AHNAK2: variants seen among roughly 807,000 people sequenced by gnomAD.
AHNAK2 encodes the protein protein AHNAK2.
A neutral mutation model predicts 30.7 loss-of-function variants in AHNAK2; 18 were observed. The ratio of observed to expected loss-of-function variants is 0.59; its 90% CI spans 0.41 to 0.87. The LOEUF (loss-of-function observed/expected upper bound fraction) is 0.87. AHNAK2 is among the 40% of genes least tolerant of loss of function. The probability of loss-of-function intolerance (pLI) is 0.00; values close to 1 mark genes in which losing one functional copy is unlikely to be tolerated. For missense variants in AHNAK2, 8,604 were observed against 7,373.0 expected, an observed-to-expected ratio of 1.17 and a Z score of -6.11; for synonymous variants, 3,590 against 3,073.8, an observed-to-expected ratio of 1.17 and a Z score of -5.56.
intron 1 of AHNAK2, among the ~76,000 whole-genome samples, chr14:104,970,215 G>A (rs1899436907): frequency 6.6e-6 from 1 of 152,172 alleles, no homozygotes; most frequent in African/African-American, 2.4e-5. Flanking sequence ...CGGCACCCCA[G>A]GGACCAGGAC....
rs570242935 is a variant in AHNAK2, at chr14:104,947,050, G to C, written c.8401C>G (p.Leu2801Val). 2.5e-5 allele frequency: 41 copies of C among 1,612,478 alleles called. No individual in the cohort carries two copies. Among genetic ancestry groups the C allele is most frequent in the Non-Finnish European group, 3.1e-5 (37 of 1,179,644 alleles). ...TTGGCTGTCATGCCCTTGTCGGCCA[G>C]GGACAGGTCCCCCTCCAGCCGCGCA... The part of the protein sequence containing the change: ...DGARLEGDLS[L>V]ADKGMTAKDS... The change falls in exon 7 of 7, where the codon CTG (leucine) becomes GTG (valine). Residue 2801 changes from leucine (L) to valine (V), a missense_variant. Physicochemically the swap from Leu to Val is conservative, Grantham distance 32. Transcript: ENST00000333244.
In AHNAK2 at chr14:104,941,705, C is replaced by T; in HGVS notation, c.13746G>A (p.Val4582=). Residue 4582 remains valine, a synonymous_variant, in exon 7 of 7, where the codon GTG becomes GTA. Transcript: ENST00000333244. ...KLDLKGPKAE[V]MAPDVEVSLP... is the part of the protein sequence containing the mutation. ...GAGACACCTCCACATCGGGGGCCAT[C>T]ACCTCTGCCTTTGGGCCTTTCAGGT... 1 of 1,613,784 alleles carries T rather than the reference C, an allele frequency of 6.2e-7. No homozygotes were observed. Among genetic ancestry groups the T allele is most frequent in the Non-Finnish European group, 8.5e-7 (1 of 1,179,888 alleles).
Position 104,944,946 on chromosome 14 carries a change from T to C in AHNAK2, c.10505A>G (p.Lys3502Arg). 5 of 1,613,176 alleles carry C rather than the reference T, an allele frequency of 3.1e-6. No homozygotes were observed. Among genetic ancestry groups the C allele is most frequent in the Non-Finnish European group, 4.2e-6 (5 of 1,179,610 alleles). The stretch of plus-strand genomic sequence containing the variant: ...GGAGAGGCTCACGTCGGCCTCCACC[T>C]TCGGCGCAGACACATCCAGCGAGGC... Reference protein sequence around the residue: ...IEASLDVSAPKVEADVSLSSM... With the variant: ...IEASLDVSAPRVEADVSLSSM... Residue 3502 changes from lysine (K) to arginine (R), a missense_variant, in exon 7 of 7, where the codon AAG becomes AGG. By Grantham distance (26) the Lys-to-Arg change is conservative. Transcript: ENST00000333244.
rs371360862 is a variant in AHNAK2, at chr14:104,939,788, C to T, written c.15663G>A (p.Pro5221=). The T allele has an allele frequency of 1.1e-5, 18 of 1,613,686 alleles. No individual in the cohort carries two copies. The highest frequency in any genetic ancestry group is 4.5e-5 in the East Asian group (2 of 44,888). ...CTGCTGCTTCACCCCCTGTTGCTGC[C>T]GGTGCCTGTGTCTGAGCCACTTCCA... ...GKLEVAQTQA[P]AATGGEAAAK... Residue 5221 remains proline (P), a synonymous_variant, in exon 7 of 7, where the codon CCG becomes CCA. Transcript: ENST00000333244.
chr14:104,950,506 T>C lies in AHNAK2; in HGVS notation c.4945A>G (p.Lys1649Glu), dbSNP rs370039288. 3.2e-6 allele frequency: 5 copies of C among 1,586,892 alleles called. No individual in the cohort carries two copies. The highest frequency in any genetic ancestry group is 4.5e-5 in the East Asian group (2 of 44,180). Residue 1649 changes from lysine (K) to glutamate (E), a missense_variant, in exon 7 of 7, where the codon AAG (lysine) becomes GAG (glutamate). By Grantham distance (56) the Lys-to-Glu change is moderately conservative. Coordinates refer to ENST00000333244, the MANE Select transcript of AHNAK2 (RefSeq NM_138420.4). Reference sequence around the variant, plus strand: ...TTGCTGTCTTTGGCAGTCACCGCCTTGTCGGCCAGGGACAGGTCCCCCTCC... The same window carrying C: ...TTGCTGTCTTTGGCAGTCACCGCCTCGTCGGCCAGGGACAGGTCCCCCTCC... Reference protein sequence around the residue: ...QLEGDLSLADKAVTAKDSKFK... With the variant: ...QLEGDLSLADEAVTAKDSKFK...
Position 104,978,310 on chromosome 14 carries a change from C to G in AHNAK2, c.-73G>C. 55 of 140,012 alleles carry G rather than the reference C, an allele frequency of 3.9e-4. No individual in the cohort carries two copies. The highest frequency in any genetic ancestry group is 7.8e-4 in the South Asian group (3 of 3,846). 8.7% of individuals were successfully genotyped at this position (140,012 alleles called of 1,614,324 possible). A position where few individuals can be genotyped will look rare whatever the true frequency, so the allele number is the denominator to read the frequency against. The stretch of plus-strand genomic sequence containing the variant: ...CTGGTCCCGGCTCCGGCGCACGGGG[C>G]GGGCGGGCGGGAGCCGCGCTCTGCC... On this transcript the variant is annotated 5_prime_UTR_variant, in exon 1 of 7. Coordinates refer to ENST00000333244, the MANE Select transcript of AHNAK2 (RefSeq NM_138420.4).
At chr14:104,962,154 T>C (rs77384212) in intron 1 of AHNAK2, among the ~76,000 whole-genome samples, 2,471 of 152,182 alleles carry the variant, frequency 0.016, 33 homozygotes, top group Non-Finnish European at 0.025. Context: ...GAAGTACCCA[T>C]CAACCAACGA....
At position 104,949,178 on chromosome 14, in the gene AHNAK2, C is replaced by G. The variant is rs779518545; in HGVS notation, c.6273G>C (p.Val2091=). 1 of 1,066,940 alleles carries G rather than the reference C, an allele frequency of 9.4e-7. No homozygotes were observed. 66.1% of individuals were successfully genotyped at this position (1,066,940 alleles called of 1,614,324 possible). A position where few individuals can be genotyped will look rare whatever the true frequency, so the allele number is the denominator to read the frequency against. The change falls in exon 7 of 7, where the codon GTG becomes GTC. Residue 2091 remains valine (V), a synonymous_variant. Transcript: ENST00000333244. ...GGTCCAGTTTGGGGCCCTTGATGTC[C>G]ACCTGGGGGCCCTTGAGGTCCACTT... ...MPKVDLKGPQ[V]DIKGPKLDLK... is the part of the protein sequence containing the mutation.
chr14:104,955,047 C>G lies in AHNAK2; in HGVS notation c.561G>C (p.Gln187His). The change falls in exon 6 of 7, where the codon CAG becomes CAC. Residue 187 changes from glutamine to histidine, a missense_variant. Transcript: ENST00000333244. ...CAGGGAGCTGCCGTCTGATTTTGAA[C>G]TGAACCTTGTACGGCTCTGAATATT... ...ILQYSEPYKV[Q>H]FKIRRQLPAP... 1.2e-6 allele frequency: 2 copies of G among 1,613,744 alleles called. No homozygotes were observed. The highest frequency in any genetic ancestry group is 1.7e-6 in the Non-Finnish European group (2 of 1,179,882).
In AHNAK2 at chr14:104,939,593, C is replaced by T; in HGVS notation, c.15858G>A (p.Gly5286=). The change falls in exon 7 of 7, where the codon GGG becomes GGA. Residue 5286 remains glycine (G), a synonymous_variant. Transcript: ENST00000333244. ...AAGTGGAAAGCTCATCCCCAGTCAT[C>T]CCAGCAGTGGAGAGGTGCAGCTTCA... ...TGLKLHLSTA[G]MTGDELSTSE... 6.2e-7 allele frequency: 1 copy of T among 1,613,818 alleles called. No individual in the cohort carries two copies.
Position 104,939,320 on chromosome 14 carries a change from CCA to C in AHNAK2, c.16129_16130del (p.Trp5377GlyfsTer27), listed in dbSNP as rs1472019891. 1.2e-6 allele frequency: 2 copies of C among 1,613,590 alleles called. No individual in the cohort carries two copies. Among genetic ancestry groups the C allele is most frequent in the Non-Finnish European group, 1.7e-6 (2 of 1,179,824 alleles). ...ATTTGACAGTTAGGACAGAATCTTC[CCA>C]CAGTTGATCCACATTAACCACAGAA... Reference protein sequence around the residue: ...QISVVNVDQLWEDSVLTVKFP... With the variant: ...QISVVNVDQLXEDSVLTVKFP... On this transcript the variant is annotated frameshift_variant, in exon 7 of 7. Transcript: ENST00000333244. LOFTEE classifies it low-confidence loss of function (END_TRUNC).
chr14:104,940,753 C>A lies in AHNAK2; in HGVS notation c.14698G>T (p.Glu4900Ter). 2 of 1,612,940 alleles carry A rather than the reference C, an allele frequency of 1.2e-6. No individual in the cohort carries two copies. Among genetic ancestry groups the A allele is most frequent in the Non-Finnish European group, 1.7e-6 (2 of 1,179,866 alleles). Reference protein sequence around the residue: ...APVMSPLSPGERVQCPLPSTQ... With the variant: ...APVMSPLSPG ...CTTGGCAAGGGGCACTGCACTCTTT[C>A]TCCAGGGCTAAGAGGAGACATGACT... Residue 4900 changes from glutamate (E) to a stop codon, truncating the protein, a stop_gained, in exon 7 of 7, where the codon GAA becomes TAA. Coordinates refer to ENST00000333244, the MANE Select transcript of AHNAK2 (RefSeq NM_138420.4). LOFTEE classifies it low-confidence loss of function (END_TRUNC). The surrounding 1 kb of genome is among the most constrained non-coding windows in gnomAD (Gnocchi z 4.4).
At position 104,944,847 on chromosome 14, in the gene AHNAK2, A is replaced by T; in HGVS notation, c.10604T>A (p.Val3535Asp). 1.2e-6 allele frequency: 2 copies of T among 1,610,404 alleles called. No individual in the cohort carries two copies. The highest frequency in any genetic ancestry group is 8.5e-7 in the Non-Finnish European group (1 of 1,178,714). ...PPSADLEVQAVQVDVELLEGP... is the reference protein window; with the variant it reads ...PPSADLEVQADQVDVELLEGP... ...CTCCAGGAGTTCCACATCCACTTGG[A>T]CAGCCTGGACCTCCAGGTCAGCGGA... The change falls in exon 7 of 7, where the codon GTC becomes GAC. Residue 3535 changes from valine to aspartate, a missense_variant. Coordinates refer to ENST00000333244, the MANE Select transcript of AHNAK2 (RefSeq NM_138420.4).
At position 104,942,427 on chromosome 14, in the gene AHNAK2, T is replaced by C. The variant is rs747010562; in HGVS notation, c.13024A>G (p.Lys4342Glu). Residue 4342 changes from lysine (K) to glutamate (E), a missense_variant, in exon 7 of 7, where the codon AAG becomes GAG. Coordinates refer to ENST00000333244, the MANE Select transcript of AHNAK2 (RefSeq NM_138420.4). Reference protein sequence around the residue: ...VSLPSMQGDLKTTHLSIQPPS... With the variant: ...VSLPSMQGDLETTHLSIQPPS... ...GGCTGAATGCTGAGGTGAGTGGTCT[T>C]CAGGTCCCCCTGCATGGAGGGGAGG... is the stretch of plus-strand genomic sequence containing the variant. 2 of 1,612,710 alleles carry C rather than the reference T, an allele frequency of 1.2e-6. No individual in the cohort carries two copies. Among genetic ancestry groups the C allele is most frequent in the Admixed American group, 3.3e-5 (2 of 59,938 alleles).
chr14:104,937,803 C>T lies in AHNAK2; in HGVS notation c.*260G>A, dbSNP rs1052056954. On this transcript the variant is annotated 3_prime_UTR_variant, in exon 7 of 7. Coordinates refer to ENST00000333244, the MANE Select transcript of AHNAK2 (RefSeq NM_138420.4). ...CTTCCCCAGCAGTGCCTCTGAGTACCGTGTGAATTCTGGTGTCTTGTGGAA... is the reference window on the plus strand; with the variant it reads ...CTTCCCCAGCAGTGCCTCTGAGTACTGTGTGAATTCTGGTGTCTTGTGGAA... 19 of 456,834 alleles carry T rather than the reference C, an allele frequency of 4.2e-5. No individual in the cohort carries two copies. The highest frequency in any genetic ancestry group is 2.0e-4 in the African/African-American group (10 of 50,662). 28.3% of individuals were successfully genotyped at this position (456,834 alleles called of 1,614,324 possible). A position where few individuals can be genotyped will look rare whatever the true frequency, so the allele number is the denominator to read the frequency against.
rs926321078 is a variant in AHNAK2, at chr14:104,978,363, C to A, written c.-126G>T. ...GCTGCCCTGCGCTGCCGCGGGCGGC[C>A]GACCTCGGACTGCGGACACCGCGCG... On this transcript the variant is annotated 5_prime_UTR_variant, in exon 1 of 7. Transcript: ENST00000333244. The A allele has an allele frequency of 9.8e-6, 6 of 611,352 alleles. No individual in the cohort carries two copies. The highest frequency in any genetic ancestry group is 7.1e-5 in the South Asian group (1 of 14,048). The allele number at this position is 611,352 out of a possible 1,614,324, so 37.9% of individuals were successfully genotyped here. A position where few individuals can be genotyped will look rare whatever the true frequency, so the allele number is the denominator to read the frequency against.
At chr14:104,959,742 A>G (rs1475410162) in intron 1 of AHNAK2, among the ~76,000 whole-genome samples, 1 of 152,286 alleles carries the variant, frequency 6.6e-6, no homozygotes, top group Non-Finnish European at 1.5e-5. Context: ...GATATACTAA[A>G]GAAGTCCTTC....
In AHNAK2 at chr14:104,952,010, C is replaced by T. The variant is rs367913008; in HGVS notation, c.3441G>A (p.Gly1147=). The T allele has an allele frequency of 8.7e-6, 14 of 1,612,302 alleles. No homozygotes were observed. The highest frequency in any genetic ancestry group is 5.4e-5 in the African/African-American group (4 of 74,114). The change falls in exon 7 of 7, where the codon GGG becomes GGA. Residue 1147 remains glycine, a synonymous_variant. Coordinates refer to ENST00000333244, the MANE Select transcript of AHNAK2 (RefSeq NM_138420.4). ...GAKLDSARLE[G]ELSLADKDVT... ...CATCCTTGTCGGCCAGGGACAGTTC[C>T]CCCTCCAGCCGCGCACTGTCCAGCT...
chr14:104,947,476 T>G lies in AHNAK2; in HGVS notation c.7975A>C (p.Arg2659=). ...KMPKFKMPSF[R]VSAPGESIEA... ...ATGGACTCGCCTGGGGCCGACACCC[T>G]GAATGATGGCATCTTGAACTTGGGC... The change falls in exon 7 of 7, where the codon AGG becomes CGG. Residue 2659 remains arginine, a synonymous_variant. Coordinates refer to ENST00000333244, the MANE Select transcript of AHNAK2 (RefSeq NM_138420.4). 1.2e-6 allele frequency: 2 copies of G among 1,609,924 alleles called. No homozygotes were observed. Among genetic ancestry groups the G allele is most frequent in the Non-Finnish European group, 8.5e-7 (1 of 1,178,682 alleles).
Sources: gnomAD v4.1 joint callset for allele counts (sites outside exome capture counted in the v4.1 genomes callset) on GRCh38, gnomAD v4.1.1 for gene constraint, Gnocchi (gnomAD v3.1) non-coding constraint, MANE v1.5 for transcripts, NCBI Gene and HGNC (gene_info 2026-07-23, HGNC 2026-07-21) for gene names.